Variants in STPG2 observed in about 807,000 individuals in gnomAD.
The protein encoded by STPG2 is sperm-tail PG-rich repeat-containing protein 2.
STPG2 carries 56 observed loss-of-function variants against 54.2 expected under a neutral mutation model. The ratio of observed to expected loss-of-function variants is 1.03; its 90% CI spans 0.83 to 1.29. The LOEUF is 1.29. STPG2 is among the 50% of genes most tolerant of loss of function. The probability of loss-of-function intolerance (pLI) is 0.00; values close to 1 mark genes in which losing one functional copy is unlikely to be tolerated. For missense variants in STPG2, 596 were observed against 544.9 expected, an observed-to-expected ratio of 1.09 and a Z score of -0.93; for synonymous variants, 200 against 181.8, an observed-to-expected ratio of 1.10 and a Z score of -0.81.
intron 8 of STPG2, among the ~76,000 whole-genome samples, chr4:97,919,888 T>C (rs1315260448): frequency 1.3e-5 from 2 of 152,230 alleles, no homozygotes; most frequent in African/African-American, 4.8e-5. Flanking sequence ...TCTATAACTT[T>C]TTTTTACTTT....
intron 8 of STPG2, among the ~76,000 whole-genome samples, chr4:97,860,703 C>T (rs1231268926): frequency 2.0e-5 from 3 of 151,870 alleles, no homozygotes; most frequent in Non-Finnish European, 4.4e-5. Context: ...TTTCTAGATA[C>T]ATGACCGTAT....
intron 4 of STPG2, among the ~76,000 whole-genome samples, chr4:97,464,631 T>C (rs1295825414): frequency 6.6e-6 from 1 of 152,148 alleles, no homozygotes; most frequent in Non-Finnish European, 1.5e-5. Context: ...AGTCTCCAAC[T>C]CCTGACCTCA....
chr4:98,133,901 C>A (rs546835632), intron 2 of STPG2, among the ~76,000 whole-genome samples: 11 of 152,018 alleles, frequency 7.2e-5, no homozygotes, highest in African/African-American at 2.6e-4. Context: ...ATGAATGAAC[C>A]ATTGAAGATA....
intron 9 of STPG2, among the ~76,000 whole-genome samples, chr4:97,728,523 T>C (rs1042263418): frequency 3.3e-5 from 5 of 152,082 alleles, no homozygotes; most frequent in Non-Finnish European, 7.4e-5. Flanking sequence ...TGACAATGTA[T>C]TTACTTCCTC....
At chr4:98,017,953 C>T (rs936351065) in intron 5 of STPG2, among the ~76,000 whole-genome samples, 1 of 152,138 alleles carries the variant, frequency 6.6e-6, no homozygotes, top group Non-Finnish European at 1.5e-5. Context: ...TTGTAAGTTT[C>T]CTGAGGCCTC....
chr4:97,822,579 C>T (rs1728124857), intron 9 of STPG2, among the ~76,000 whole-genome samples: 1 of 152,138 alleles, frequency 6.6e-6, no homozygotes, highest in Non-Finnish European at 1.5e-5. Flanking sequence ...CATAAAAAGG[C>T]TTAATTGGTT....
At chr4:97,481,755 T>G (rs1249656217) in intron 4 of STPG2, among the ~76,000 whole-genome samples, 1 of 151,632 alleles carries the variant, frequency 6.6e-6, no homozygotes, top group Non-Finnish European at 1.5e-5. Flanking sequence ...AAGCTTGTTT[T>G]ATTTTTCCAC....
At chr4:97,776,818 G>C (rs1726392935) in intron 9 of STPG2, among the ~76,000 whole-genome samples, 1 of 152,086 alleles carries the variant, frequency 6.6e-6, no homozygotes, top group Admixed American at 6.5e-5. Flanking sequence ...ACTAGAAAAT[G>C]TTCTTTATTA....
intron 10 of STPG2, among the ~76,000 whole-genome samples, chr4:97,627,259 G>T (rs922733295): frequency 2.0e-5 from 3 of 152,050 alleles, no homozygotes; most frequent in Non-Finnish European, 4.4e-5. Context: ...TCCCTACTCA[G>T]TCAAAACAGA....
At chr4:97,728,591 T>G (rs538820046) in intron 9 of STPG2, among the ~76,000 whole-genome samples, 1 of 152,008 alleles carries the variant, frequency 6.6e-6, no homozygotes, top group African/African-American at 2.4e-5. Context: ...AAATTTAGGA[T>G]CCAACCTTGG....
At chr4:97,969,008 G>A (rs1734219889) in intron 7 of STPG2, among the ~76,000 whole-genome samples, 2 of 152,166 alleles carry the variant, frequency 1.3e-5, no homozygotes, top group South Asian at 4.1e-4. Flanking sequence ...CTTGTGGAGA[G>A]CCTATAAACA....
At chr4:97,558,625 C>T (rs542820394), downstream of STPG2, among the ~76,000 whole-genome samples, 5 of 152,242 alleles carry the variant, frequency 3.3e-5, no homozygotes, top group South Asian at 1.0e-3. Context: ...TCTGACAGCC[C>T]GTGTGGAGGT....
At chr4:97,838,292 C>G (rs1728692253) in intron 9 of STPG2, among the ~76,000 whole-genome samples, 1 of 151,202 alleles carries the variant, frequency 6.6e-6, no homozygotes, top group Non-Finnish European at 1.5e-5. Flanking sequence ...GAAAGGCCAT[C>G]ATTCATAAGA....
chr4:98,023,260 G>T (rs1308778110), intron 5 of STPG2, among the ~76,000 whole-genome samples: 7 of 152,248 alleles, frequency 4.6e-5, no homozygotes, highest in Non-Finnish European at 1.0e-4. Context: ...CTGCAGGTCT[G>T]TTGGAGTTTG....
chr4:97,542,821 G>C (rs1731747847), intron 4 of STPG2, among the ~76,000 whole-genome samples: 1 of 152,030 alleles, frequency 6.6e-6, no homozygotes, highest in African/African-American at 2.4e-5. Context: ...TCCTTTGTAG[G>C]GACATAGATG....
At chr4:97,609,773 C>T (rs1301027620) in intron 10 of STPG2, among the ~76,000 whole-genome samples, 2 of 151,840 alleles carry the variant, frequency 1.3e-5, no homozygotes, top group Non-Finnish European at 2.9e-5. Flanking sequence ...AAATATAATT[C>T]AGATTAAATC....
chr4:97,842,751 A>G (rs868295597), intron 8 of STPG2, among the ~76,000 whole-genome samples: 4 of 151,992 alleles, frequency 2.6e-5, no homozygotes, highest in East Asian at 3.9e-4. Flanking sequence ...AGTTCCTTAA[A>G]TTCCAGTAGA....
intron 4 of STPG2, among the ~76,000 whole-genome samples, chr4:97,504,001 A>T (rs973482992): frequency 5.0e-4 from 71 of 141,908 alleles, no homozygotes; most frequent in Non-Finnish European, 5.5e-4. Flanking sequence ...TTAAAAATAT[A>T]TTTTCATATT....
intron 5 of STPG2, among the ~76,000 whole-genome samples, chr4:98,049,199 T>C (rs1737235649): frequency 6.6e-6 from 1 of 152,172 alleles, no homozygotes; most frequent in Non-Finnish European, 1.5e-5. Context: ...AAATAAGAAT[T>C]AAATTTGTGG....
Sources: gnomAD v4.1 joint callset for allele counts (sites outside exome capture counted in the v4.1 genomes callset) on GRCh38, gnomAD v4.1.1 for gene constraint, MANE v1.5 for transcripts, NCBI Gene and HGNC (gene_info 2026-07-23, HGNC 2026-07-21) for gene names.